ADGRE2: variants seen among roughly 807,000 people sequenced by gnomAD.
ADGRE2 encodes adhesion G protein-coupled receptor E2, also known as CD97 antigen.
Under a neutral mutation model 100.8 loss-of-function variants are expected in ADGRE2, and 83 were observed. That is an observed-to-expected ratio of 0.82 (90% CI 0.69 to 0.99). The LOEUF is 0.99. Ranked by LOEUF, ADGRE2 falls within the 50% of genes least tolerant of loss-of-function variation. The pLI is 0.00. For synonymous variants in ADGRE2, 355 were observed against 413.0 expected, an observed-to-expected ratio of 0.86 and a Z score of 1.70; for missense variants, 814 against 1,035.7, an observed-to-expected ratio of 0.79 and a Z score of 2.94.
At chr19:14,768,823 C>T (rs1376795381) in intron 5 of ADGRE2, 1 of 152,396 alleles carries the variant, frequency 6.6e-6, no homozygotes. Context: ...CACGAGGCAT[C>T]TTCTCCAGGT....
intron 15 of ADGRE2, 24 bp downstream of exon 15, chr19:14,752,305 C>A (rs1379006721): frequency 6.2e-7 from 1 of 1,613,712 alleles, no homozygotes. Flanking sequence ...GGAAGGGAGC[C>A]CTCTGGAACA....
In ADGRE2 at chr19:14,765,313, T is replaced by C. The variant is rs117165240; in HGVS notation, c.906+7A>G. 44,158 of 1,613,956 alleles carry C rather than the reference T, an allele frequency of 0.027. 859 individuals carry two copies. Among genetic ancestry groups the C allele is most frequent in the East Asian group, 0.084 (3,749 of 44,880 alleles). Reference sequence around the variant, plus strand: ...CCTCGCCCCCTTGCCCTGGGTCCTGTCCTTACCTGGATGGTGTTATTGGCC... The same window carrying C: ...CCTCGCCCCCTTGCCCTGGGTCCTGCCCTTACCTGGATGGTGTTATTGGCC... On this transcript the variant is annotated splice_region_variant and intron_variant, in intron 10 of 20. Coordinates refer to ENST00000315576, the MANE Select transcript of ADGRE2 (RefSeq NM_013447.4).
At chr19:14,729,846 A>G (rs763502234), downstream of ADGRE2, among the ~76,000 whole-genome samples, 4 of 152,222 alleles carry the variant, frequency 2.6e-5, no homozygotes, top group Admixed American at 6.5e-5. Context: ...CCCAATGTAT[A>G]CATCCATTAA....
rs1555785190 is a variant in ADGRE2 at position 14,755,639 on chromosome 19, T to G, written c.1416+15A>C. The G allele has an allele frequency of 1.2e-6, 2 of 1,611,300 alleles. No homozygotes were observed. The highest frequency in any genetic ancestry group is 1.7e-6 in the Non-Finnish European group (2 of 1,177,658). The stretch of plus-strand genomic sequence containing the variant: ...TCAGACTATTCACCCACCAACCAAC[T>G]CCACCAGCACTCACACGGTGGGAGA... On this transcript the variant is annotated intron_variant, in intron 13 of 20. Coordinates refer to ENST00000315576, the MANE Select transcript of ADGRE2 (RefSeq NM_013447.4).
intron 20 of ADGRE2, among the ~76,000 whole-genome samples, chr19:14,736,809 G>GATATTAAATATCTAT (rs2042762652): frequency 1.3e-5 from 1 of 75,224 alleles, no homozygotes; most frequent in African/African-American, 6.5e-5. Flanking sequence ...GAAATATATA[G>GATATTAAATATCTAT]ATATTTAGAA....
rs575645810 is a variant in ADGRE2 at position 14,773,946 on chromosome 19, G to A, written c.191C>T (p.Thr64Ile). Residue 64 changes from threonine to isoleucine, a missense_variant, in exon 4 of 21, where the codon ACT (threonine) becomes ATT (isoleucine). By Grantham distance (89) the Thr-to-Ile change is moderately conservative (BLOSUM62 -1). Around this residue, in one of 5 missense-constraint regions of ADGRE2, gnomAD observed 143 missense variants for 160.3 expected, o/e 0.89. Transcript: ENST00000315576. Reference sequence around the variant, plus strand: ...CCCTCAAGCCTCTGTACCGTCACAAGTCTCCATGGGGGTGGTGATGATCTC... The same window carrying A: ...CCCTCAAGCCTCTGTACCGTCACAAATCTCCATGGGGGTGGTGATGATCTC... ...FSEIITTPME[T>I]CDDINECATL... 111 of 1,614,096 alleles carry A rather than the reference G, an allele frequency of 6.9e-5. 1 individual carries two copies. In the South Asian group the frequency reaches 1.2e-3, roughly 18 times the overall value.
intron 16 of ADGRE2, 96 bp from the exon 17 acceptor site, chr19:14,747,058 C>T: frequency 9.9e-7 from 1 of 1,008,584 alleles, no homozygotes; most frequent in Non-Finnish European, 1.5e-6. Context: ...TTCCTCACTT[C>T]CTTCCTACGT....
rs768019293 is a variant in ADGRE2 at position 14,776,753 on chromosome 19, C to G, written c.4G>C (p.Gly2Arg). The change falls in exon 2 of 21, where the codon GGA becomes CGA. Residue 2 changes from glycine to arginine, a missense_variant. Physicochemically the swap from Gly to Arg is moderately radical, Grantham distance 125. Coordinates refer to ENST00000315576, the MANE Select transcript of ADGRE2 (RefSeq NM_013447.4). ...AGAAAGACGAGAAAGACGCGGCCTC[C>G]CATGGTTCCAGCTGAGCTGCCGGCA... M[G>R]GRVFLVFLAF... is the part of the protein sequence containing the mutation. The G allele has an allele frequency of 6.2e-7, 1 of 1,613,598 alleles. No homozygotes were observed. The highest frequency in any genetic ancestry group is 1.1e-5 in the South Asian group (1 of 90,950).
chr19:14,724,463 C>T, the ADGRE2 span, among the ~76,000 whole-genome samples: 1 of 152,168 alleles, frequency 6.6e-6, no homozygotes. Context: ...ATGACATTTT[C>T]TCCATTAAAA....
intron 7 of ADGRE2, 115 bp downstream of exon 7, chr19:14,766,120 C>T (rs760797319): frequency 9.7e-6 from 15 of 1,547,882 alleles, no homozygotes; most frequent in African/African-American, 1.4e-5. Context: ...GAAGAATGAA[C>T]GCCTGACACA....
intron 6 of ADGRE2, 77 bp from the exon 7 acceptor site, chr19:14,766,458 C>T (rs1030336530): frequency 1.2e-5 from 17 of 1,461,206 alleles, no homozygotes; most frequent in Non-Finnish European, 1.6e-5. Flanking sequence ...ACCCACTCCC[C>T]TATCTTTTCA....
chr19:14,772,887 C>T (rs1360450910), intron 4 of ADGRE2, among the ~76,000 whole-genome samples: 3 of 150,780 alleles, frequency 2.0e-5, no homozygotes, highest in Non-Finnish European at 4.4e-5. Flanking sequence ...CGAGACCAGC[C>T]TGCCAACAGG....
intron 10 of ADGRE2, among the ~76,000 whole-genome samples, chr19:14,765,077 A>G (rs1374135632): frequency 6.6e-6 from 1 of 152,194 alleles, no homozygotes; most frequent in African/African-American, 2.4e-5. Context: ...ATGGCCCCTC[A>G]GAGGCCAACA....
chr19:14,752,507 G>C lies in ADGRE2; in HGVS notation c.1610C>G (p.Thr537Ser). 1 of 1,614,166 alleles carries C rather than the reference G, an allele frequency of 6.2e-7. No homozygotes were observed. Among genetic ancestry groups the C allele is most frequent in the East Asian group, 2.2e-5 (1 of 44,880 alleles). ...GCTCAGCCCCATGTAGGTGATGACA[G>C]TCAGCACGGGATCCTCCTCCTGGGA... ...YDVQEEDPVL[T>S]VITYMGLSVS... The change falls in exon 15 of 21, where the codon ACT becomes AGT. Residue 537 changes from threonine (T) to serine (S), a missense_variant. By Grantham distance (58) the Thr-to-Ser change is moderately conservative. Coordinates refer to ENST00000315576, the MANE Select transcript of ADGRE2 (RefSeq NM_013447.4).
chr19:14,741,738 G>T (rs541438884), intron 20 of ADGRE2: 12 of 254,430 alleles, frequency 4.7e-5, no homozygotes, highest in African/African-American at 2.5e-4. Context: ...ACCTGCCTCG[G>T]CCTCCCAAAG....
intron 11 of ADGRE2, among the ~76,000 whole-genome samples, chr19:14,757,568 A>G (rs994785908): frequency 5.3e-5 from 8 of 152,226 alleles, no homozygotes; most frequent in African/African-American, 1.9e-4. Flanking sequence ...TGGTCAGTTG[A>G]TTCTCAACAA....
At chr19:14,773,886 G>A in intron 4 of ADGRE2, 52 bp downstream of exon 4, 1 of 1,528,324 alleles carries the variant, frequency 6.5e-7, no homozygotes, top group East Asian at 2.2e-5. Context: ...CTGGCACTGG[G>A]CTATGCCTCA....
chr19:14,772,246 A>G, intron 5 of ADGRE2, 96 bp downstream of exon 5: 1 of 1,538,750 alleles, frequency 6.5e-7, no homozygotes, highest in East Asian at 2.3e-5. Flanking sequence ...AACTGAACCT[A>G]TACTTGGGTA....
At chr19:14,744,275 T>C (rs1050175172) in intron 18 of ADGRE2, among the ~76,000 whole-genome samples, 13 of 151,438 alleles carry the variant, frequency 8.6e-5, no homozygotes, top group Non-Finnish European at 1.6e-4. Context: ...TTTTTGAATA[T>C]GCAAAGAGAT....
Sources: gnomAD v4.1 joint callset for allele counts (sites outside exome capture counted in the v4.1 genomes callset) on GRCh38, gnomAD v4.1.1 for gene constraint, gnomAD v4.1.1 regional missense constraint, MANE v1.5 for transcripts, NCBI Gene and HGNC (gene_info 2026-07-23, HGNC 2026-07-21) for gene names.